Variants in PHF20L1 observed in about 807,000 individuals in gnomAD.
PHF20L1 encodes the protein PHD finger protein 20-like protein 1.
In PHF20L1, 44 loss-of-function variants were observed where a neutral mutation model predicts 125.5. The ratio of observed to expected loss-of-function variants is 0.35; its 90% confidence interval spans 0.28 to 0.45. The LOEUF (loss-of-function observed/expected upper bound fraction) is 0.45, where lower values mean the gene tolerates loss of function less well. PHF20L1 is among the 20% of genes least tolerant of loss of function. PHF20L1 has a pLI of 1.00. For synonymous variants in PHF20L1, 380 were observed against 403.1 expected (o/e 0.94, Z 0.69); for missense variants, 1,012 against 1,217.2 (o/e 0.83, Z 2.51).
intron 8 of PHF20L1, among the ~76,000 whole-genome samples, 180 bp downstream of exon 8, chr8:132,804,920 TAAAATGTGA>T (rs1833509697): frequency 1.3e-5 from 2 of 151,970 alleles, no homozygotes; most frequent in Non-Finnish European, 2.9e-5. Context: ...TTTTCTGTTG[TAAAATGTGA>T]AAAATACCAC....
At chr8:132,792,966 T>TTC (rs1554627921) in intron 2 of PHF20L1, among the ~76,000 whole-genome samples, 12 of 139,064 alleles carry the variant, frequency 8.6e-5, no homozygotes, top group African/African-American at 2.5e-4. Flanking sequence ...CCTTTTTTCT[T>TTC]TTTTTTTTTT....
intron 4 of PHF20L1, among the ~76,000 whole-genome samples, chr8:132,796,969 A>G (rs930629825): frequency 6.6e-6 from 1 of 151,996 alleles, no homozygotes; most frequent in Non-Finnish European, 1.5e-5. Flanking sequence ...GTGTGTGCAG[A>G]TGCAGGTACA....
chr8:132,807,253 T>A (rs1833839051), intron 8 of PHF20L1: 1 of 159,466 alleles, frequency 6.3e-6, no homozygotes, highest in Non-Finnish European at 1.4e-5. Context: ...TTATGTCATG[T>A]ACCTTATTGA....
In PHF20L1 at chr8:132,842,550, G is replaced by C; in HGVS notation, c.2423G>C (p.Cys808Ser). 6.2e-7 allele frequency: 1 copy of C among 1,609,938 alleles called. No individual in the cohort carries two copies. The highest frequency in any genetic ancestry group is 8.5e-7 in the Non-Finnish European group (1 of 1,178,710). The change falls in exon 19 of 21, where the codon TGT becomes TCT. Residue 808 changes from cysteine (C) to serine (S), a missense_variant. By Grantham distance (112) the Cys-to-Ser change is moderately radical. Around this residue, in one of 7 missense-constraint regions of PHF20L1, gnomAD observed 277 missense variants for 283.6 expected, o/e 0.98. Transcript: ENST00000395386. ...KHHPDLHLWA[C>S]SGKRKDQDQI... ...CATCCTGACCTTCATCTCTGGGCTT[G>C]TTCCGGGAAGCGAAAAGACCAAGAT...
At chr8:132,802,743 A>G (rs974874244) in intron 6 of PHF20L1, among the ~76,000 whole-genome samples, 1 of 151,868 alleles carries the variant, frequency 6.6e-6, no homozygotes, top group African/African-American at 2.4e-5. Flanking sequence ...TTCACCATAT[A>G]TTTTTAAGGC....
chr8:132,813,137 G>A, intron 9 of PHF20L1: 1 of 972,116 alleles, frequency 1.0e-6, no homozygotes, highest in Non-Finnish European at 1.2e-6. Flanking sequence ...AATGGATGCT[G>A]TAGTGATGTC....
chr8:132,779,736 T>G lies in PHF20L1; in HGVS notation c.83+1825T>G, dbSNP rs79799052. ...TTTCTAACTTAGGAGCTGTTAAATTTATGATCCAGTAGTTCAAAAGACTAC... is the reference window on the plus strand; with the variant it reads ...TTTCTAACTTAGGAGCTGTTAAATTGATGATCCAGTAGTTCAAAAGACTAC... On this transcript the variant is annotated intron_variant, in intron 2 of 20. Coordinates refer to ENST00000395386, the MANE Select transcript of PHF20L1 (RefSeq NM_016018.5). 5.3e-5 allele frequency among the ~76,000 whole-genome samples: 8 copies of G among 152,342 alleles called. No individual in the cohort carries two copies. In the East Asian group the frequency reaches 1.5e-3, roughly 29 times the overall value.
At chr8:132,842,457 G>A in intron 18 of PHF20L1, 58 bp from the exon 19 acceptor site, 1 of 1,453,606 alleles carries the variant, frequency 6.9e-7, no homozygotes, top group Admixed American at 2.3e-5. Flanking sequence ...ATTGTATTCA[G>A]CTTGTTAATA....
intron 19 of PHF20L1, 90 bp from the exon 20 acceptor site, chr8:132,844,066 C>A: frequency 1.9e-6 from 3 of 1,552,912 alleles, no homozygotes; most frequent in Non-Finnish European, 2.6e-6. Context: ...CTAACTGTTA[C>A]CAGTGATGAG....
chr8:132,803,072 A>G (rs1833274693), intron 6 of PHF20L1, among the ~76,000 whole-genome samples: 1 of 151,846 alleles, frequency 6.6e-6, no homozygotes, highest in Non-Finnish European at 1.5e-5. Context: ...CAATAGTAAA[A>G]TGTATTTAGC....
intron 2 of PHF20L1, among the ~76,000 whole-genome samples, chr8:132,779,854 T>C (rs2131303126): frequency 6.6e-6 from 1 of 152,344 alleles, no homozygotes. Flanking sequence ...ATGAAAGTTG[T>C]ATCTTCTTGC....
intron 15 of PHF20L1, among the ~76,000 whole-genome samples, chr8:132,833,312 G>A (rs897693312): frequency 1.6e-4 from 25 of 152,028 alleles, no homozygotes; most frequent in African/African-American, 5.6e-4. Flanking sequence ...TCCCTGGCTC[G>A]TTATGGAGAA....
intron 9 of PHF20L1, chr8:132,812,859 A>G (rs1198756121): frequency 1.0e-5 from 10 of 982,268 alleles, no homozygotes; most frequent in Non-Finnish European, 1.2e-5. Context: ...CCTGTAGTCA[A>G]AACTTACTGT....
At chr8:132,792,384 A>G (rs1231154355) in intron 2 of PHF20L1, among the ~76,000 whole-genome samples, 1 of 152,152 alleles carries the variant, frequency 6.6e-6, no homozygotes, top group Non-Finnish European at 1.5e-5. Context: ...GTATTACAGG[A>G]TTGATTCTAA....
At position 132,812,883 on chromosome 8, in the gene PHF20L1, T is replaced by C. The variant is rs185496475; in HGVS notation, c.931-1754T>C. 1.2e-4 allele frequency: 113 copies of C among 980,626 alleles called. No individual in the cohort carries two copies. In the South Asian group the frequency reaches 2.0e-3, roughly 18 times the overall value. 60.7% of individuals were successfully genotyped at this position (980,626 alleles called of 1,614,324 possible). A position where few individuals can be genotyped will look rare whatever the true frequency, so the allele number is the denominator to read the frequency against. On this transcript the variant is annotated intron_variant, in intron 9 of 20. Coordinates refer to ENST00000395386, the MANE Select transcript of PHF20L1 (RefSeq NM_016018.5). ...AAAACTTACTGTGCTAATGGACTTA[T>C]TTATATTTTTTAAAAATTCAAACTG...
intron 14 of PHF20L1, among the ~76,000 whole-genome samples, chr8:132,828,782 C>T (rs997105338): frequency 6.6e-6 from 1 of 151,904 alleles, no homozygotes; most frequent in East Asian, 1.9e-4. Flanking sequence ...TTTCATGTGT[C>T]TGTAAATATA....
At chr8:132,798,983 C>A in intron 5 of PHF20L1, 112 bp from the exon 6 acceptor site, 3 of 1,081,272 alleles carry the variant, frequency 2.8e-6, no homozygotes, top group Non-Finnish European at 2.7e-6. Context: ...TGCTGATAGC[C>A]CCAAATAGCA....
intron 2 of PHF20L1, among the ~76,000 whole-genome samples, chr8:132,783,815 G>T (rs1300339765): frequency 6.6e-6 from 1 of 152,080 alleles, no homozygotes; most frequent in East Asian, 1.9e-4. Flanking sequence ...CAAAATAAAT[G>T]AATTACATAC....
At chr8:132,817,599 G>C (rs1835121523) in intron 12 of PHF20L1, 54 bp downstream of exon 12, 2 of 1,231,990 alleles carry the variant, frequency 1.6e-6, no homozygotes, top group Non-Finnish European at 2.3e-6. Flanking sequence ...TAGGCTTGCA[G>C]TTATTAGGTA....
Sources: gnomAD v4.1 joint callset for allele counts (sites outside exome capture counted in the v4.1 genomes callset) on GRCh38, gnomAD v4.1.1 for gene constraint, gnomAD v4.1.1 regional missense constraint, MANE v1.5 for transcripts, NCBI Gene and HGNC (gene_info 2026-07-23, HGNC 2026-07-21) for gene names.